ZNF143: variants seen among roughly 807,000 people sequenced by gnomAD.
ZNF143 encodes the protein SPH-binding factor.
Under a neutral mutation model 74.1 loss-of-function variants are expected in ZNF143, and 49 were observed. The ratio of observed to expected loss-of-function variants is 0.66; its 90% confidence interval spans 0.53 to 0.84. ZNF143 has a LOEUF of 0.84. Among genes scored for constraint, ZNF143 ranks in the 40% least tolerant of loss-of-function variants. ZNF143 has a pLI of 0.00. For missense variants in ZNF143, 637 were observed against 793.4 expected (o/e 0.80, Z 2.37); for synonymous variants, 304 against 282.8 (o/e 1.07, Z -0.75).
intron 12 of ZNF143, among the ~76,000 whole-genome samples, chr11:9,510,404 G>A (rs1471496523): frequency 1.3e-5 from 2 of 152,002 alleles, no homozygotes; most frequent in African/African-American, 2.4e-5. Flanking sequence ...GATTACAGGC[G>A]TGAGCCACCG....
At chr11:9,520,502 TAAAA>T (rs2134241050) in intron 14 of ZNF143, among the ~76,000 whole-genome samples, 1 of 151,158 alleles carries the variant, frequency 6.6e-6, no homozygotes, top group Non-Finnish European at 1.5e-5. Context: ...CTAAAAAAAA[TAAAA>T]AAGAGGCCAG....
intron 11 of ZNF143, among the ~76,000 whole-genome samples, chr11:9,502,478 C>T (rs904833421): frequency 6.6e-6 from 1 of 150,434 alleles, no homozygotes; most frequent in Non-Finnish European, 1.5e-5. Context: ...GGCATGGTGG[C>T]GGGTGCCTAT....
chr11:9,493,807 C>T (rs1414775906), intron 7 of ZNF143, among the ~76,000 whole-genome samples: 1 of 152,086 alleles, frequency 6.6e-6, no homozygotes, highest in Non-Finnish European at 1.5e-5. Flanking sequence ...TTTTAAAAAG[C>T]CTTTAAAAAT....
chr11:9,475,849 G>A (rs1856844830), intron 5 of ZNF143, among the ~76,000 whole-genome samples: 1 of 151,906 alleles, frequency 6.6e-6, no homozygotes, highest in South Asian at 2.1e-4. Flanking sequence ...GTGTAGTTGA[G>A]ATCGTGCCAC....
chr11:9,496,226 A>G, intron 8 of ZNF143, 77 bp from the exon 9 acceptor site: 1 of 1,293,226 alleles, frequency 7.7e-7, no homozygotes, highest in Non-Finnish European at 1.1e-6. Flanking sequence ...AGTGTGGGAA[A>G]AAGTAGTTCT....
At position 9,476,846 on chromosome 11, in the gene ZNF143, G is replaced by A. The variant is rs189785162; in HGVS notation, c.374-1544G>A. On this transcript the variant is annotated intron_variant, in intron 5 of 15. Transcript: ENST00000396602. ...GCGATCTCGGCTCACTGCAAGCTCC[G>A]CCTCCTGGGTTCACACCATTCTCCT... is the stretch of plus-strand genomic sequence containing the variant. 3.1e-3 allele frequency among the ~76,000 whole-genome samples: 362 copies of A among 115,982 alleles called. 2 individuals are homozygous for A. Among genetic ancestry groups the A allele is most frequent in the Middle Eastern group, 0.015 (2 of 130 alleles). The allele number at this position is 115,982 out of a possible 152,430, so 76.1% of individuals were successfully genotyped here.
At chr11:9,510,050 T>A (rs777195105) in intron 12 of ZNF143, among the ~76,000 whole-genome samples, 1 of 152,128 alleles carries the variant, frequency 6.6e-6, no homozygotes, top group Non-Finnish European at 1.5e-5. Context: ...TTTGCAAGAC[T>A]CTTTTTCTAA....
intron 8 of ZNF143, among the ~76,000 whole-genome samples, chr11:9,495,334 G>A (rs1366311812): frequency 2.6e-5 from 4 of 152,140 alleles, no homozygotes; most frequent in African/African-American, 9.7e-5. Context: ...CCAGCTACTC[G>A]GGAGGCTGAG....
intron 13 of ZNF143, 32 bp downstream of exon 13, chr11:9,512,628 A>C (rs764241174): frequency 3.7e-6 from 6 of 1,609,338 alleles, no homozygotes; most frequent in Non-Finnish European, 2.6e-6. Flanking sequence ...AACAAATTAA[A>C]TCTTTCTGTG....
At chr11:9,516,524 T>G (rs1848729150) in intron 14 of ZNF143, among the ~76,000 whole-genome samples, 162 bp downstream of exon 14, 1 of 152,166 alleles carries the variant, frequency 6.6e-6, no homozygotes, top group Non-Finnish European at 1.5e-5. Flanking sequence ...TTTCCTCATA[T>G]GTAAAGTAGG....
chr11:9,527,189 C>T (rs997134914), intron 15 of ZNF143, among the ~76,000 whole-genome samples: 5 of 152,264 alleles, frequency 3.3e-5, no homozygotes, highest in African/African-American at 1.2e-4. Flanking sequence ...TCAGGCTGGT[C>T]TCGAACTCCT....
Position 9,505,135 on chromosome 11 carries a change from A to G in ZNF143, c.1148-3484A>G, listed in dbSNP as rs1219617626. On this transcript the variant is annotated intron_variant, in intron 11 of 15. Transcript: ENST00000396602. ...ACTACAGGCGCATACCACCATGCCC[A>G]GCTAATTTTTGTATTTTTAGTAGAG... Among the ~76,000 whole-genome samples the G allele has an allele frequency of 5.0e-5, 6 of 119,322 alleles. 2 individuals carry two copies. The East Asian group carries it at 1.4e-3, about 29-fold the overall frequency. 78.3% of individuals were successfully genotyped at this position (119,322 alleles called of 152,430 possible).
chr11:9,496,891 C>T (rs1847978536), intron 9 of ZNF143, among the ~76,000 whole-genome samples: 1 of 152,208 alleles, frequency 6.6e-6, no homozygotes, highest in African/African-American at 2.4e-5. Flanking sequence ...AGCCACTGCA[C>T]CTGGCCTGCC....
At chr11:9,461,279 C>G (rs922809029) in intron 1 of ZNF143, among the ~76,000 whole-genome samples, 2 of 152,152 alleles carry the variant, frequency 1.3e-5, no homozygotes, top group Non-Finnish European at 2.9e-5. Flanking sequence ...GCGGCCGCCA[C>G]TCTAGGCGGC....
At chr11:9,489,660 C>T (rs1847696166) in intron 7 of ZNF143, among the ~76,000 whole-genome samples, 2 of 152,150 alleles carry the variant, frequency 1.3e-5, no homozygotes, top group African/African-American at 4.8e-5. Context: ...GAGTTATTTG[C>T]TGCCGCTACC....
chr11:9,519,503 G>A (rs1191539024), intron 14 of ZNF143, among the ~76,000 whole-genome samples: 1 of 152,126 alleles, frequency 6.6e-6, no homozygotes, highest in East Asian at 1.9e-4. Flanking sequence ...ACTCTTTTGT[G>A]TCTGGGTTTT....
At chr11:9,472,863 C>A in intron 3 of ZNF143, 94 bp downstream of exon 3, 1 of 755,242 alleles carries the variant, frequency 1.3e-6, no homozygotes, top group Non-Finnish European at 2.0e-6. Flanking sequence ...TCCTATGTCT[C>A]CTAAAGATGC....
intron 10 of ZNF143, 105 bp from the exon 11 acceptor site, chr11:9,500,986 A>G (rs1229288391): frequency 1.5e-6 from 2 of 1,365,464 alleles, no homozygotes; most frequent in Non-Finnish European, 2.0e-6. Context: ...TCAGCACAAG[A>G]AGGCTAGAGT....
chr11:9,473,837 G>C (rs1176071780), intron 3 of ZNF143, 104 bp from the exon 4 acceptor site: 1 of 1,603,110 alleles, frequency 6.2e-7, no homozygotes, highest in East Asian at 2.2e-5. Flanking sequence ...AGATGAACAC[G>C]AGCTTAAGTT....
Sources: gnomAD v4.1 joint callset for allele counts (sites outside exome capture counted in the v4.1 genomes callset) on GRCh38, gnomAD v4.1.1 for gene constraint, MANE v1.5 for transcripts, NCBI Gene and HGNC (gene_info 2026-07-23, HGNC 2026-07-21) for gene names.